Variants in RORA observed in about 807,000 individuals in gnomAD.
RORA encodes the protein RAR related orphan receptor A.
A neutral mutation model predicts 69.5 loss-of-function variants in RORA; 7 were observed. The ratio of observed to expected loss-of-function variants is 0.10; its 90% CI spans 0.06 to 0.19. RORA has a LOEUF of 0.19. Among genes scored for constraint, RORA ranks in the 10% least tolerant of loss-of-function variants. The probability of loss-of-function intolerance (pLI) is 1.00; values close to 1 mark genes in which losing one functional copy is unlikely to be tolerated. For missense variants in RORA, 457 were observed against 663.0 expected (o/e 0.69, Z 3.41); for synonymous variants, 261 against 240.8 (o/e 1.08, Z -0.78).
chr15:60,653,841 A>G (rs2070182979), intron 2 of RORA, among the ~76,000 whole-genome samples: 2 of 151,694 alleles, frequency 1.3e-5, no homozygotes, highest in African/African-American at 2.4e-5. Flanking sequence ...TTCCTTCTCC[A>G]TGTTGGCTGT....
chr15:61,070,272 C>G (rs1185429618), intron 1 of RORA, among the ~76,000 whole-genome samples: 1 of 152,170 alleles, frequency 6.6e-6, no homozygotes, highest in Non-Finnish European at 1.5e-5. Flanking sequence ...CACACACACC[C>G]GTATGCCCCC....
rs1485123296 is a variant in RORA, at chr15:60,657,608, C to T, written c.196+21049G>A. Among the ~76,000 whole-genome samples, 4 of 152,174 alleles carry T rather than the reference C, an allele frequency of 2.6e-5. No homozygotes were observed. The South Asian group carries it at 8.3e-4, about 32-fold the overall frequency. ...CCCTTTAGAATCTCCTCCTTGGGAG[C>T]CTGAAATGGAAACAAAGTACTTCCC... On this transcript the variant is annotated intron_variant, in intron 2 of 10. Transcript: ENST00000335670.
intron 1 of RORA, among the ~76,000 whole-genome samples, chr15:60,696,977 T>A (rs2070915556): frequency 6.6e-6 from 1 of 152,188 alleles, no homozygotes; most frequent in Admixed American, 6.5e-5. Flanking sequence ...GCCTGCTCAT[T>A]AAACTGATAT....
intron 3 of RORA, among the ~76,000 whole-genome samples, chr15:60,515,025 C>T (rs1595889500): frequency 6.6e-6 from 1 of 152,292 alleles, no homozygotes; most frequent in Middle Eastern, 3.4e-3. Context: ...GGCACAGGAC[C>T]AGGTCCTTGT....
intron 1 of RORA, among the ~76,000 whole-genome samples, chr15:61,088,549 G>T (rs1349688440): frequency 6.6e-6 from 1 of 152,150 alleles, no homozygotes; most frequent in Non-Finnish European, 1.5e-5. Flanking sequence ...GGCAGATCTT[G>T]ATTCAAATTC....
At position 60,761,935 on chromosome 15, in the gene RORA, GA is replaced by G. The variant is rs1055600463; in HGVS notation, c.167-83250del. Among the ~76,000 whole-genome samples the G allele has an allele frequency of 3.3e-3, 477 of 143,634 alleles. 2 individuals carry two copies. The highest frequency in any genetic ancestry group is 0.011 in the African/African-American group (437 of 39,282). The allele number at this position is 143,634 out of a possible 152,430, so 94.2% of individuals were successfully genotyped here. ...TTTGCAAACTACAGTAGTTGGTAAT[GA>G]AAAAAAAAAAGTCTAGTCCTTGGAA... On this transcript the variant is annotated intron_variant, in intron 1 of 10. Transcript: ENST00000335670.
intron 1 of RORA, among the ~76,000 whole-genome samples, chr15:61,025,293 A>G (rs1210129654): frequency 1.3e-5 from 2 of 152,196 alleles, no homozygotes; most frequent in Non-Finnish European, 2.9e-5. Flanking sequence ...GCTCGGTATC[A>G]CAAAGCCTTG....
chr15:60,489,156 A>C lies in RORA; in HGVS notation c.*8299T>G, dbSNP rs1480158787. The stretch of plus-strand genomic sequence containing the variant: ...AGAGAGGCAGTTAAGGAATGATGTG[A>C]TTTATATTAAAAGAGATTTCTCCCT... On this transcript the variant is annotated 3_prime_UTR_variant, in exon 11 of 11. Coordinates refer to ENST00000335670, the MANE Select transcript of RORA (RefSeq NM_134261.3). The C allele has an allele frequency of 6.6e-6, 1 of 152,222 alleles. No homozygotes were observed. Among genetic ancestry groups the C allele is most frequent in the Non-Finnish European group, 1.5e-5 (1 of 68,036 alleles). The allele number at this position is 152,222 out of a possible 1,614,324, so 9.4% of individuals were successfully genotyped here.
chr15:60,511,934 T>A lies in RORA; in HGVS notation c.425-313A>T, dbSNP rs137947538. 2,293 of 292,012 alleles carry A rather than the reference T, an allele frequency of 7.9e-3. 11 individuals carry two copies. The highest frequency in any genetic ancestry group is 0.014 in the South Asian group (320 of 22,090). The allele number at this position is 292,012 out of a possible 1,614,324, so 18.1% of individuals were successfully genotyped here. On this transcript the variant is annotated intron_variant, in intron 4 of 10. Coordinates refer to ENST00000335670, the MANE Select transcript of RORA (RefSeq NM_134261.3). This position sits in a 1 kb window ranked among gnomAD's most constrained non-coding sequence, Gnocchi z 6.4. Reference sequence around the variant, plus strand: ...CCCCGTTTCCACTGCGCCCCACTGATAACTTAATGGGCTTGTTCACTCTCC... The same window carrying A: ...CCCCGTTTCCACTGCGCCCCACTGAAAACTTAATGGGCTTGTTCACTCTCC...
chr15:60,701,639 G>A (rs1007891506), intron 1 of RORA, among the ~76,000 whole-genome samples: 2 of 152,166 alleles, frequency 1.3e-5, no homozygotes, highest in African/African-American at 4.8e-5. Context: ...CCCTCCACCC[G>A]CAGCACAGGC....
chr15:60,549,990 T>C (rs2067185268), intron 2 of RORA, among the ~76,000 whole-genome samples: 1 of 152,192 alleles, frequency 6.6e-6, no homozygotes, highest in African/African-American at 2.4e-5. Context: ...GCTTCCGACC[T>C]TGAAAAAAGT....
At chr15:61,034,713 GA>G (rs143241897) in intron 1 of RORA, among the ~76,000 whole-genome samples, 8 of 132,288 alleles carry the variant, frequency 6.0e-5, no homozygotes, top group Admixed American at 8.4e-5. Context: ...CAAGTTCAAG[GA>G]AAAAAAAAAT....
rs187726217 is a variant in RORA at position 60,987,341 on chromosome 15, C to T, written c.166+241712G>A. On this transcript the variant is annotated intron_variant, in intron 1 of 10. Transcript: ENST00000335670. ...AAGACAGACTCCAGATTATCCAAGT[C>T]TGCTTATTCTTCAAAGCTCAACTCA... Among the ~76,000 whole-genome samples the T allele has an allele frequency of 1.7e-4, 26 of 152,266 alleles. No homozygotes were observed. In the East Asian group the frequency reaches 4.8e-3, roughly 28 times the overall value.
intron 1 of RORA, among the ~76,000 whole-genome samples, chr15:61,141,255 C>A (rs1170884982): frequency 6.6e-6 from 1 of 152,108 alleles, no homozygotes; most frequent in East Asian, 1.9e-4. Flanking sequence ...GGTTCTTCAA[C>A]CTATGTTACT....
At chr15:61,163,533 A>T (rs1425295929) in intron 1 of RORA, among the ~76,000 whole-genome samples, 3 of 152,228 alleles carry the variant, frequency 2.0e-5, no homozygotes, top group Admixed American at 2.0e-4. Flanking sequence ...TCTAATTGTC[A>T]GATAAAAACA....
At chr15:60,954,878 C>G (rs1893221368) in intron 1 of RORA, among the ~76,000 whole-genome samples, 1 of 152,150 alleles carries the variant, frequency 6.6e-6, no homozygotes, top group African/African-American at 2.4e-5. Flanking sequence ...TTGCTTTATT[C>G]CTCTTTGCAG....
chr15:61,163,239 T>A (rs1267984827), intron 1 of RORA, among the ~76,000 whole-genome samples: 3 of 152,096 alleles, frequency 2.0e-5, no homozygotes, highest in Non-Finnish European at 4.4e-5. Flanking sequence ...GAAGGCCACA[T>A]AGAAATTAAA....
In RORA at chr15:60,497,478, G is replaced by A; in HGVS notation, c.1549C>T (p.Pro517Ser). The part of the protein sequence containing the change: ...YKELFTSEFE[P>S]AMQIDG Reference sequence around the variant, plus strand: ...ATTTACCCATCAATTTGCATTGCTGGCTCAAATTCTGAAGTGAACAACTCC... The same window carrying A: ...ATTTACCCATCAATTTGCATTGCTGACTCAAATTCTGAAGTGAACAACTCC... Residue 517 changes from proline to serine, a missense_variant, in exon 11 of 11, where the codon CCA (proline) becomes TCA (serine). Coordinates refer to ENST00000335670, the MANE Select transcript of RORA (RefSeq NM_134261.3). 6.2e-7 allele frequency: 1 copy of A among 1,613,916 alleles called. No individual in the cohort carries two copies. Among genetic ancestry groups the A allele is most frequent in the Non-Finnish European group, 8.5e-7 (1 of 1,179,880 alleles).
At chr15:60,972,771 T>C (rs1161311494) in intron 1 of RORA, among the ~76,000 whole-genome samples, 3 of 152,228 alleles carry the variant, frequency 2.0e-5, no homozygotes, top group Admixed American at 6.5e-5. Context: ...CATAGGGATT[T>C]TGAGAAGTTT....
Sources: gnomAD v4.1 joint callset for allele counts (sites outside exome capture counted in the v4.1 genomes callset) on GRCh38, gnomAD v4.1.1 for gene constraint, Gnocchi (gnomAD v3.1) non-coding constraint, MANE v1.5 for transcripts, NCBI Gene and HGNC (gene_info 2026-07-23, HGNC 2026-07-21) for gene names.